RELN: variants seen among roughly 807,000 people sequenced by gnomAD.
The protein encoded by RELN is reelin.
A neutral mutation model predicts 427.6 loss-of-function variants in RELN; 108 were observed. That is an observed-to-expected ratio of 0.25 (90% CI 0.22 to 0.30). RELN has a LOEUF of 0.30. Ranked by LOEUF, RELN falls within the 10% of genes least tolerant of loss-of-function variation. The probability of loss-of-function intolerance (pLI) is 1.00; values close to 1 mark genes in which losing one functional copy is unlikely to be tolerated. For synonymous variants in RELN, 1,524 were observed against 1,513.4 expected, an observed-to-expected ratio of 1.01 and a Z score of -0.16; for missense variants, 3,715 against 4,302.8, an observed-to-expected ratio of 0.86 and a Z score of 3.82.
At chr7:103,598,972 C>T in intron 24 of RELN, among the ~76,000 whole-genome samples, 1 of 152,096 alleles carries the variant, frequency 6.6e-6, no homozygotes, top group East Asian at 1.9e-4. Flanking sequence ...TGTGCCATTC[C>T]TGGTATATGG....
intron 3 of RELN, among the ~76,000 whole-genome samples, chr7:103,779,525 T>G (rs1791833038): frequency 6.6e-6 from 1 of 152,136 alleles, no homozygotes; most frequent in East Asian, 1.9e-4. Flanking sequence ...TATCCATTTT[T>G]CCTCGGACAC....
chr7:103,540,045 A>G lies in RELN; in HGVS notation c.6930+152T>C, dbSNP rs1830142947. ...AGAGAATGAAAGGAAGCTAAATGCC[A>G]TATCTAATCTAGCTGCGTGCCCTTG... On this transcript the variant is annotated intron_variant, in intron 44 of 64. Transcript: ENST00000428762. The G allele has an allele frequency of 2.7e-6, 2 of 752,226 alleles. 1 individual carries two copies. Among genetic ancestry groups the G allele is most frequent in the South Asian group, 3.2e-5 (2 of 61,818 alleles). 46.6% of individuals were successfully genotyped at this position (752,226 alleles called of 1,614,324 possible).
chr7:103,985,786 A>G (rs979382537), intron 1 of RELN, among the ~76,000 whole-genome samples: 1 of 152,160 alleles, frequency 6.6e-6, no homozygotes, highest in African/African-American at 2.4e-5. Flanking sequence ...AAAAGGAACG[A>G]CCATGGGTGA....
At chr7:103,583,025 AG>A (rs1255857240) in intron 28 of RELN, among the ~76,000 whole-genome samples, 68 of 152,210 alleles carry the variant, frequency 4.5e-4, no homozygotes, top group Non-Finnish European at 2.2e-4. Flanking sequence ...GGGCTCTTAA[AG>A]CCATATGTCT....
In RELN at chr7:103,640,354, C is replaced by T. The variant is rs1321729093; in HGVS notation, c.2069+189G>A. Reference sequence around the variant, plus strand: ...ATGCTAAATTTGTCCACAATTTAGCCTAATATAAAATGTATTAATTTTCAC... The same window carrying T: ...ATGCTAAATTTGTCCACAATTTAGCTTAATATAAAATGTATTAATTTTCAC... On this transcript the variant is annotated intron_variant, in intron 17 of 64. Coordinates refer to ENST00000428762, the MANE Select transcript of RELN (RefSeq NM_005045.4). This position sits in a 1 kb window ranked among gnomAD's most constrained non-coding sequence, Gnocchi z 4.1. Among the ~76,000 whole-genome samples, 1 of 151,836 alleles carries T rather than the reference C, an allele frequency of 6.6e-6. No individual in the cohort carries two copies. Among genetic ancestry groups the T allele is most frequent in the East Asian group, 1.9e-4 (1 of 5,192 alleles).
intron 1 of RELN, among the ~76,000 whole-genome samples, chr7:103,952,553 T>TC (rs1491411377): frequency 2.0e-5 from 3 of 147,244 alleles, no homozygotes; most frequent in East Asian, 3.9e-4. Context: ...ACTCTCACTC[T>TC]TTCTCTCTCT....
chr7:103,632,740 A>T (rs1832497930), intron 19 of RELN, among the ~76,000 whole-genome samples: 1 of 152,126 alleles, frequency 6.6e-6, no homozygotes, highest in East Asian at 1.9e-4. Context: ...GTTTTATAGT[A>T]ATATGTACTA....
chr7:103,592,662 T>G (rs1831446179), intron 27 of RELN, among the ~76,000 whole-genome samples: 1 of 152,212 alleles, frequency 6.6e-6, no homozygotes, highest in African/African-American at 2.4e-5. Context: ...AATTTAGATT[T>G]TAAAAATTTC....
At chr7:103,619,346 C>T (rs1832162477) in intron 20 of RELN, among the ~76,000 whole-genome samples, 1 of 152,110 alleles carries the variant, frequency 6.6e-6, no homozygotes, top group Non-Finnish European at 1.5e-5. Flanking sequence ...AGCAGTGCTG[C>T]TGTGGGACGG....
chr7:103,938,671 G>T (rs1479989591), intron 1 of RELN, among the ~76,000 whole-genome samples: 1 of 152,014 alleles, frequency 6.6e-6, no homozygotes, highest in African/African-American at 2.4e-5. Flanking sequence ...TTATTTTTCA[G>T]ATACAGGAAT....
At chr7:103,599,303 A>T (rs1447447141) in intron 24 of RELN, among the ~76,000 whole-genome samples, 1 of 152,102 alleles carries the variant, frequency 6.6e-6, no homozygotes, top group East Asian at 1.9e-4. Flanking sequence ...CAGGCAGAAC[A>T]CCATGTATTA....
intron 6 of RELN, among the ~76,000 whole-genome samples, chr7:103,745,818 T>C (rs1790808360): frequency 2.0e-5 from 3 of 152,078 alleles, no homozygotes. Context: ...AAAGAATCAA[T>C]ATCGTGAAAA....
intron 3 of RELN, among the ~76,000 whole-genome samples, chr7:103,804,796 C>T (rs1792556171): frequency 6.6e-6 from 1 of 152,044 alleles, no homozygotes; most frequent in Admixed American, 6.6e-5. Context: ...ACAGCGTGCC[C>T]ACATTATTCA....
chr7:103,709,079 A>C (rs78921468), intron 8 of RELN, among the ~76,000 whole-genome samples: 2 of 152,196 alleles, frequency 1.3e-5, no homozygotes, highest in East Asian at 3.9e-4. Context: ...CCCTTCCGAG[A>C]CTCATCAGTT....
intron 2 of RELN, among the ~76,000 whole-genome samples, chr7:103,861,707 A>G (rs1438403324): frequency 2.0e-5 from 3 of 152,184 alleles, no homozygotes; most frequent in African/African-American, 7.2e-5. Flanking sequence ...GGCTCATAGA[A>G]TGTCACTGTT....
At chr7:103,688,397 C>T (rs1023246092) in intron 10 of RELN, among the ~76,000 whole-genome samples, 1 of 152,022 alleles carries the variant, frequency 6.6e-6, no homozygotes, top group African/African-American at 2.4e-5. Flanking sequence ...GAATATAAAA[C>T]CATCAAGTGA....
At position 103,640,595 on chromosome 7, in the gene RELN, A is replaced by G; in HGVS notation, c.2017T>C (p.Ser673Pro). ...WAIDNVYIGP[S>P]CLKFCSGRGQ... ...CTGCCAGAACAGAATTTGAGACATGACGGGCCAATATAAACTGTGGGAGGG... is the reference window on the plus strand; with the variant it reads ...CTGCCAGAACAGAATTTGAGACATGGCGGGCCAATATAAACTGTGGGAGGG... Residue 673 changes from serine to proline, a missense_variant, in exon 17 of 65, where the codon TCA (serine) becomes CCA (proline). By Grantham distance (74) the Ser-to-Pro change is moderately conservative (BLOSUM62 -1). Coordinates refer to ENST00000428762, the MANE Select transcript of RELN (RefSeq NM_005045.4). This position sits in a 1 kb window ranked among gnomAD's most constrained non-coding sequence, Gnocchi z 4.1. The G allele has an allele frequency of 6.2e-7, 1 of 1,613,862 alleles. No homozygotes were observed. The highest frequency in any genetic ancestry group is 8.5e-7 in the Non-Finnish European group (1 of 1,179,864).
In RELN at chr7:103,730,753, G is replaced by C. The variant is rs1790333687; in HGVS notation, c.657-2546C>G. Among the ~76,000 whole-genome samples, 5 of 152,196 alleles carry C rather than the reference G, an allele frequency of 3.3e-5. No homozygotes were observed. In the South Asian group the frequency reaches 1.0e-3, roughly 32 times the overall value. On this transcript the variant is annotated intron_variant, in intron 6 of 64. Transcript: ENST00000428762. ...ACAAATCAGTCCGATTTCTGCCAAG[G>C]TCTTTTAAATGTCCTTTACTTGAAT...
chr7:103,534,757 A>G (rs1013008229), intron 46 of RELN, among the ~76,000 whole-genome samples: 1 of 152,172 alleles, frequency 6.6e-6, no homozygotes, highest in African/African-American at 2.4e-5. Context: ...AATTTTATTA[A>G]GCCCTGATCC....
Sources: allele counts gnomAD v4.1 joint callset (sites outside exome capture counted in the v4.1 genomes callset), GRCh38; gene constraint gnomAD v4.1.1; non-coding constraint Gnocchi (gnomAD v3.1); transcripts MANE v1.5; gene names NCBI Gene and HGNC (gene_info 2026-07-23, HGNC 2026-07-21).